RBFOX1: variants seen among roughly 807,000 people sequenced by gnomAD.
RBFOX1 encodes RNA binding protein fox-1 homolog 1.
In RBFOX1, 8 loss-of-function variants were observed where a neutral mutation model predicts 57.7. The observed-to-expected ratio is 0.14, with a 90% confidence interval of 0.08 to 0.25. The LOEUF (loss-of-function observed/expected upper bound fraction) is 0.25. Ranked by LOEUF, RBFOX1 falls within the 10% of genes least tolerant of loss-of-function variation. The pLI, the probability that RBFOX1 is intolerant of heterozygous loss-of-function variation, is 1.00. For missense variants in RBFOX1, 611 were observed against 548.5 expected (o/e 1.11, Z -1.14); for synonymous variants, 326 against 222.4 (o/e 1.47, Z -4.15).
chr16:5,862,814 C>T (rs1170887483), intron 3 of RBFOX1, among the ~76,000 whole-genome samples: 1 of 152,170 alleles, frequency 6.6e-6, no homozygotes, highest in East Asian at 1.9e-4. Flanking sequence ...TACAGGGTAG[C>T]CCCACGCTGT....
At chr16:7,120,830 T>TATATACACACACAC (rs1226442313) in intron 4 of RBFOX1, among the ~76,000 whole-genome samples, 1 of 86,538 alleles carries the variant, frequency 1.2e-5, no homozygotes, top group Non-Finnish European at 2.6e-5. Flanking sequence ...TATGTATATA[T>TATATACACACACAC]ACACACACAC....
chr16:5,934,148 C>A (rs922870968), intron 4 of RBFOX1, among the ~76,000 whole-genome samples: 24 of 152,236 alleles, frequency 1.6e-4, no homozygotes, highest in African/African-American at 7.2e-5. Context: ...GCATCATCCT[C>A]AGGAGCTCAG....
intron 4 of RBFOX1, among the ~76,000 whole-genome samples, chr16:7,221,449 C>G (rs1567770159): frequency 6.6e-6 from 1 of 151,874 alleles, no homozygotes; most frequent in Admixed American, 6.6e-5. Context: ...TCACTGCAAC[C>G]TCTCCCTCCC....
intron 4 of RBFOX1, among the ~76,000 whole-genome samples, chr16:7,405,831 C>T (rs567277110): frequency 6.6e-6 from 1 of 152,110 alleles, no homozygotes; most frequent in African/African-American, 2.4e-5. Flanking sequence ...CTCTTCCATA[C>T]CTGGAGCATT....
intron 3 of RBFOX1, among the ~76,000 whole-genome samples, chr16:6,967,215 T>C (rs903227354): frequency 1.3e-5 from 2 of 152,172 alleles, no homozygotes; most frequent in Admixed American, 6.5e-5. Context: ...CATCTCTCCA[T>C]CCATCATCCA....
chr16:6,682,445 G>T (rs1011486570), intron 3 of RBFOX1, among the ~76,000 whole-genome samples: 1 of 152,188 alleles, frequency 6.6e-6, no homozygotes, highest in African/African-American at 2.4e-5. Flanking sequence ...GAAAAGGAAA[G>T]TTAGACATTT....
At chr16:7,216,187 A>C (rs1429175749) in intron 4 of RBFOX1, among the ~76,000 whole-genome samples, 1 of 152,178 alleles carries the variant, frequency 6.6e-6, no homozygotes, top group Non-Finnish European at 1.5e-5. Context: ...ACTAGTTGGT[A>C]GATAATTGGG....
chr16:6,250,418 G>A (rs1283926054), intron 1 of RBFOX1, among the ~76,000 whole-genome samples: 1 of 152,086 alleles, frequency 6.6e-6, no homozygotes, highest in African/African-American at 2.4e-5. Flanking sequence ...TGCGGAGGTG[G>A]GATTCTAGAT....
chr16:5,702,566 G>T (rs1473607811), intron 3 of RBFOX1, among the ~76,000 whole-genome samples: 1 of 152,344 alleles, frequency 6.6e-6, no homozygotes, highest in East Asian at 1.9e-4. Flanking sequence ...GCCCTGGAGA[G>T]GAACAAGGTT....
intron 2 of RBFOX1, among the ~76,000 whole-genome samples, chr16:5,509,905 A>C (rs1343094372): frequency 6.6e-6 from 1 of 152,142 alleles, no homozygotes; most frequent in East Asian, 1.9e-4. Context: ...GGATCCCTTG[A>C]AGAGAGTTTG....
At position 5,888,852 on chromosome 16, in the gene RBFOX1, G is replaced by A. The variant is rs535284423; in HGVS notation, c.351+21517G>A. On this transcript the variant is annotated intron_variant, in intron 4 of 19. Coordinates refer to the RBFOX1 transcript ENST00000641259. ...TTGAATTAAAAGAAACCTGAATGAA[G>A]GAATAAACAATAGCATGTACACAGC... is the stretch of plus-strand genomic sequence containing the variant. Among the ~76,000 whole-genome samples, 4 of 148,962 alleles carry A rather than the reference G, an allele frequency of 2.7e-5. No individual in the cohort carries two copies. In the South Asian group the frequency reaches 8.6e-4, roughly 32 times the overall value.
intron 4 of RBFOX1, among the ~76,000 whole-genome samples, chr16:7,058,005 G>GA (rs145498650): frequency 0.017 from 2,075 of 121,570 alleles, 78 homozygotes; most frequent in African/African-American, 0.063. Context: ...GAGACTGTGG[G>GA]GAAAAAAAAA....
intron 4 of RBFOX1, among the ~76,000 whole-genome samples, chr16:7,283,455 G>A (rs187237318): frequency 8.5e-5 from 13 of 152,068 alleles, no homozygotes; most frequent in Admixed American, 2.0e-4. Context: ...TGCCTCTTCC[G>A]TGGTGGAAAG....
At chr16:6,573,380 C>A (rs1001835293) in intron 2 of RBFOX1, among the ~76,000 whole-genome samples, 1 of 152,150 alleles carries the variant, frequency 6.6e-6, no homozygotes, top group African/African-American at 2.4e-5. Flanking sequence ...TAAGAAATTT[C>A]TTTACAGCTG....
chr16:5,518,885 C>A (rs1027603021), intron 2 of RBFOX1, among the ~76,000 whole-genome samples: 1 of 152,134 alleles, frequency 6.6e-6, no homozygotes, highest in Non-Finnish European at 1.5e-5. Context: ...CCCACACATT[C>A]GTATGTTGAG....
At chr16:7,149,869 C>G (rs557963536) in intron 4 of RBFOX1, among the ~76,000 whole-genome samples, 2 of 152,204 alleles carry the variant, frequency 1.3e-5, no homozygotes, top group African/African-American at 2.4e-5. Flanking sequence ...TTAATGTAGC[C>G]CTTTCTATCT....
chr16:7,702,635 G>T (rs773852586), intron 14 of RBFOX1, among the ~76,000 whole-genome samples: 1 of 152,162 alleles, frequency 6.6e-6, no homozygotes, highest in African/African-American at 2.4e-5. Flanking sequence ...TCCCCTTCTG[G>T]TCTTGTTCTT....
At chr16:6,541,973 G>C (rs982744618) in intron 2 of RBFOX1, among the ~76,000 whole-genome samples, 1 of 151,292 alleles carries the variant, frequency 6.6e-6, no homozygotes, top group African/African-American at 2.4e-5. Context: ...AAGAGATTAG[G>C]TCTCACTCTG....
At chr16:6,104,004 C>T (rs1305239574) in intron 1 of RBFOX1, among the ~76,000 whole-genome samples, 1 of 152,122 alleles carries the variant, frequency 6.6e-6, no homozygotes, top group South Asian at 2.1e-4. Flanking sequence ...CCTCTGTTCC[C>T]AGTTCTTGCC....
Sources: allele counts gnomAD v4.1 joint callset (sites outside exome capture counted in the v4.1 genomes callset), GRCh38; gene constraint gnomAD v4.1.1; transcripts MANE v1.5; gene names NCBI Gene and HGNC (gene_info 2026-07-23, HGNC 2026-07-21).